CADPS: variants seen among roughly 807,000 people sequenced by gnomAD.
CADPS encodes the protein calcium dependent secretion activator.
Under a neutral mutation model 167.3 loss-of-function variants are expected in CADPS, and 57 were observed. The observed-to-expected ratio is 0.34, with a 90% confidence interval of 0.28 to 0.42. CADPS has a LOEUF of 0.42. Among genes scored for constraint, CADPS ranks in the 20% least tolerant of loss-of-function variants. CADPS has a pLI of 1.00. For missense variants in CADPS, 1,414 were observed against 1,738.1 expected (o/e 0.81, Z 3.32); for synonymous variants, 676 against 635.3 (o/e 1.06, Z -0.96).
At chr3:62,702,555 G>A (rs941058275) in intron 3 of CADPS, among the ~76,000 whole-genome samples, 1 of 152,114 alleles carries the variant, frequency 6.6e-6, no homozygotes, top group Non-Finnish European at 1.5e-5. Flanking sequence ...AACGTGAAAT[G>A]TTAAGGACTC....
At chr3:62,672,681 T>C (rs945181266) in intron 3 of CADPS, among the ~76,000 whole-genome samples, 3 of 152,206 alleles carry the variant, frequency 2.0e-5, no homozygotes, top group Admixed American at 6.5e-5. Flanking sequence ...TGGAATGCAA[T>C]GTTGAGATCA....
At chr3:62,796,752 T>G (rs2093436104) in intron 1 of CADPS, among the ~76,000 whole-genome samples, 1 of 152,156 alleles carries the variant, frequency 6.6e-6, no homozygotes, top group Non-Finnish European at 1.5e-5. Context: ...TCAGCATATT[T>G]GCAGATAAGC....
intron 1 of CADPS, among the ~76,000 whole-genome samples, chr3:62,803,646 A>G (rs572622783): frequency 6.6e-6 from 1 of 152,240 alleles, no homozygotes; most frequent in Admixed American, 6.5e-5. Context: ...GGGTATAACA[A>G]TCATTCTTAT....
intron 1 of CADPS, among the ~76,000 whole-genome samples, chr3:62,800,663 A>T (rs1003102763): frequency 1.3e-5 from 2 of 152,210 alleles, no homozygotes; most frequent in Non-Finnish European, 2.9e-5. Flanking sequence ...TTGAAGGCAC[A>T]GAATTCAAAA....
At chr3:62,607,315 G>A (rs1355168981) in intron 6 of CADPS, among the ~76,000 whole-genome samples, 2 of 152,166 alleles carry the variant, frequency 1.3e-5, no homozygotes, top group African/African-American at 4.8e-5. Context: ...TGGCTATGCT[G>A]GCCAAGCCTG....
At chr3:62,735,334 AG>A (rs1385648070) in intron 3 of CADPS, among the ~76,000 whole-genome samples, 9 of 147,332 alleles carry the variant, frequency 6.1e-5, no homozygotes, top group African/African-American at 2.3e-4. Context: ...GAAAGTATTA[AG>A]AAATGTAAGA....
At chr3:62,526,294 GC>G (rs1352231552) in intron 13 of CADPS, among the ~76,000 whole-genome samples, 19 of 152,134 alleles carry the variant, frequency 1.2e-4, no homozygotes, top group African/African-American at 4.6e-4. Flanking sequence ...TCTTACATCT[GC>G]TTTACTCATT....
At chr3:62,818,351 T>G (rs563930845) in intron 1 of CADPS, among the ~76,000 whole-genome samples, 6 of 152,012 alleles carry the variant, frequency 3.9e-5, no homozygotes, top group African/African-American at 1.4e-4. Flanking sequence ...TAGCAAAAAG[T>G]CCAATCACCG....
intron 3 of CADPS, among the ~76,000 whole-genome samples, chr3:62,707,837 T>C (rs2082607236): frequency 6.6e-6 from 1 of 152,132 alleles, no homozygotes; most frequent in Admixed American, 6.5e-5. Context: ...TACTAGGAAA[T>C]TTAAAATGAC....
At chr3:62,845,260 C>G (rs1040570373) in intron 1 of CADPS, among the ~76,000 whole-genome samples, 2 of 152,092 alleles carry the variant, frequency 1.3e-5, no homozygotes, top group African/African-American at 4.8e-5. Context: ...ATTGGAAGAC[C>G]GAGCTGCATA....
intron 3 of CADPS, among the ~76,000 whole-genome samples, chr3:62,705,936 G>C (rs2082226942): frequency 6.6e-6 from 1 of 152,086 alleles, no homozygotes; most frequent in South Asian, 2.1e-4. Flanking sequence ...CATGTCATTT[G>C]CCTCCTTTAA....
At chr3:62,402,759 G>A (rs1706849456) in intron 29 of CADPS, among the ~76,000 whole-genome samples, 1 of 152,224 alleles carries the variant, frequency 6.6e-6, no homozygotes, top group Non-Finnish European at 1.5e-5. Context: ...TAATGGATGT[G>A]ATTAACATAA....
At chr3:62,686,215 C>A (rs1218440094) in intron 3 of CADPS, among the ~76,000 whole-genome samples, 1 of 151,924 alleles carries the variant, frequency 6.6e-6, no homozygotes, top group African/African-American at 2.4e-5. Context: ...ACAAAAAACC[C>A]TGCATGTTTT....
At chr3:62,529,033 C>T (rs2151926687) in intron 13 of CADPS, among the ~76,000 whole-genome samples, 1 of 152,170 alleles carries the variant, frequency 6.6e-6, no homozygotes, top group African/African-American at 2.4e-5. Context: ...TGGTGGCAGT[C>T]ACCTGTAATC....
At chr3:62,541,142 G>A (rs147085661) in intron 11 of CADPS, among the ~76,000 whole-genome samples, 133 of 152,178 alleles carry the variant, frequency 8.7e-4, no homozygotes, top group East Asian at 7.2e-3. Flanking sequence ...TTCATTAACC[G>A]TATTTTTCTA....
intron 3 of CADPS, among the ~76,000 whole-genome samples, chr3:62,702,105 C>T (rs866522568): frequency 6.0e-4 from 92 of 152,160 alleles, no homozygotes; most frequent in Middle Eastern, 6.8e-3. Context: ...CTCGCCTTTT[C>T]CCCTCTAGTC....
chr3:62,550,321 C>T (rs540151804), intron 10 of CADPS, among the ~76,000 whole-genome samples: 13 of 152,128 alleles, frequency 8.5e-5, no homozygotes, highest in Non-Finnish European at 2.9e-5. Flanking sequence ...TGGATCTTAT[C>T]TTTTTGTGTC....
At chr3:62,649,510 CT>C (rs1366064737) in intron 5 of CADPS, among the ~76,000 whole-genome samples, 1 of 133,554 alleles carries the variant, frequency 7.5e-6, no homozygotes, top group Non-Finnish European at 1.6e-5. Context: ...CCTTTCGGAC[CT>C]TTTATATCAA....
chr3:62,716,625 C>A (rs201787124), intron 3 of CADPS, among the ~76,000 whole-genome samples: 1 of 109,528 alleles, frequency 9.1e-6, no homozygotes, highest in East Asian at 3.1e-4. Context: ...AAAACCAAAC[C>A]TTTAAAAAAA....
Sources: allele counts gnomAD v4.1 joint callset (sites outside exome capture counted in the v4.1 genomes callset), GRCh38; gene constraint gnomAD v4.1.1; transcripts MANE v1.5; gene names NCBI Gene and HGNC (gene_info 2026-07-23, HGNC 2026-07-21).